CTBP2: variants seen among roughly 807,000 people sequenced by gnomAD.
The protein encoded by CTBP2 is C-terminal-binding protein 2.
CTBP2 carries 30 observed loss-of-function variants against 80.3 expected under a neutral mutation model. The ratio of observed to expected loss-of-function variants is 0.37; its 90% confidence interval spans 0.28 to 0.51. CTBP2 has a LOEUF of 0.51. Ranked by LOEUF, CTBP2 falls within the 20% of genes least tolerant of loss-of-function variation. The pLI, the probability that CTBP2 is intolerant of heterozygous loss-of-function variation, is 0.93. For synonymous variants in CTBP2, 594 were observed against 587.4 expected, an observed-to-expected ratio of 1.01 and a Z score of -0.16; for missense variants, 1,212 against 1,375.3, an observed-to-expected ratio of 0.88 and a Z score of 1.88.
At chr10:125,003,647 G>A (rs1954844591) in intron 1 of CTBP2, among the ~76,000 whole-genome samples, 155 bp from the exon 4 acceptor site, 2 of 152,152 alleles carry the variant, frequency 1.3e-5, no homozygotes, top group African/African-American at 2.4e-5. Flanking sequence ...CACCTTCCAG[G>A]GAGCCACTGA....
chr10:125,131,633 A>G (rs1590981529), intron 1 of CTBP2, among the ~76,000 whole-genome samples: 1 of 152,206 alleles, frequency 6.6e-6, no homozygotes, highest in East Asian at 1.9e-4. Flanking sequence ...GCTTTAACAA[A>G]CAAGCCTAAA....
At chr10:125,098,776 G>C (rs941820701) in intron 2 of CTBP2, among the ~76,000 whole-genome samples, 97 of 146,116 alleles carry the variant, frequency 6.6e-4, no homozygotes, top group African/African-American at 1.9e-3. Flanking sequence ...GAGAGAGAGA[G>C]AGACAGAGAG....
At chr10:125,047,929 T>A (rs1309742931) in intron 2 of CTBP2, among the ~76,000 whole-genome samples, 3 of 152,054 alleles carry the variant, frequency 2.0e-5, no homozygotes, top group African/African-American at 7.2e-5. Flanking sequence ...TATGAATTTG[T>A]AAAAAAAATC....
In CTBP2 at chr10:125,040,558, A is replaced by G. The variant is rs535968437; in HGVS notation, c.-101-1403T>C. Among the ~76,000 whole-genome samples, 4 of 150,830 alleles carry G rather than the reference A, an allele frequency of 2.7e-5. No homozygotes were observed. The South Asian group carries it at 8.4e-4, about 32-fold the overall frequency. ...GTATTTTTTTTTTCCCAAGGAATAC[A>G]ATTAAATCAGTCTTATTTTAAGACC... On this transcript the variant is annotated intron_variant, in intron 2 of 10. Coordinates refer to the CTBP2 transcript ENST00000337195.
intron 2 of CTBP2, among the ~76,000 whole-genome samples, chr10:125,097,356 G>C (rs1205883505): frequency 6.6e-6 from 1 of 152,204 alleles, no homozygotes; most frequent in African/African-American, 2.4e-5. Flanking sequence ...CAACCTGGGA[G>C]AAAAGGAGAA....
chr10:125,097,702 C>T (rs1187716578), intron 2 of CTBP2, among the ~76,000 whole-genome samples: 1 of 152,114 alleles, frequency 6.6e-6, no homozygotes, highest in East Asian at 1.9e-4. Flanking sequence ...TGAGCATGTA[C>T]ATGTGCCTGA....
intron 1 of CTBP2, among the ~76,000 whole-genome samples, chr10:125,119,294 C>A (rs1853909988): frequency 6.6e-6 from 1 of 152,190 alleles, no homozygotes; most frequent in African/African-American, 2.4e-5. Flanking sequence ...TCTGAGGAGT[C>A]AGCGAGGGTG....
chr10:125,073,892 T>C (rs1266833588), intron 2 of CTBP2, among the ~76,000 whole-genome samples: 1 of 152,224 alleles, frequency 6.6e-6, no homozygotes, highest in Non-Finnish European at 1.5e-5. Context: ...TCTGATGTCA[T>C]CTTTCCCAGG....
chr10:125,134,993 G>A (rs1591004732), intron 1 of CTBP2, among the ~76,000 whole-genome samples: 3 of 151,996 alleles, frequency 2.0e-5, no homozygotes, highest in South Asian at 4.2e-4. Context: ...GACCTTAGCC[G>A]ACGTTCACAA....
In CTBP2 at chr10:124,986,287, G is replaced by GCACACACACACACACA. The variant is rs1246614734; in HGVS notation, c.*3230_*3231insTGTGTGTGTGTGTGTG. ...GGAAAGACGACACACGCACGCGCGC[G>GCACACACACACACACA]CGCGCACACACACACACACACACAC... On this transcript the variant is annotated 3_prime_UTR_variant, in exon 9 of 9. Coordinates refer to ENST00000309035, the MANE Select transcript of CTBP2 (RefSeq NM_022802.3). 1 of 73,022 alleles carries GCACACACACACACACA rather than the reference G, an allele frequency of 1.4e-5. No homozygotes were observed. Among genetic ancestry groups the GCACACACACACACACA allele is most frequent in the African/African-American group, 4.2e-5 (1 of 23,688 alleles). The allele number at this position is 73,022 out of a possible 1,614,324, so 4.5% of individuals were successfully genotyped here. A position where few individuals can be genotyped will look rare whatever the true frequency, so the allele number is the denominator to read the frequency against.
chr10:125,020,396 G>A lies in CTBP2; in HGVS notation c.1678+5686C>T, dbSNP rs72830839. 4.3e-3 allele frequency among the ~76,000 whole-genome samples: 654 copies of A among 152,260 alleles called. 3 individuals are homozygous for A. Among genetic ancestry groups the A allele is most frequent in the Non-Finnish European group, 7.4e-3 (503 of 68,024 alleles). On this transcript the variant is annotated intron_variant, in intron 1 of 8. Transcript: ENST00000309035. Reference sequence around the variant, plus strand: ...CTGCTTCCTGGAAAGCAGAGGGTCCGCTGGCCAAGACCTCCCTACTCCATG... The same window carrying A: ...CTGCTTCCTGGAAAGCAGAGGGTCCACTGGCCAAGACCTCCCTACTCCATG...
At chr10:125,069,107 C>T (rs1845074902) in intron 2 of CTBP2, among the ~76,000 whole-genome samples, 1 of 152,090 alleles carries the variant, frequency 6.6e-6, no homozygotes, top group Non-Finnish European at 1.5e-5. Context: ...CTTCCAGGGG[C>T]CTTTCTCAGG....
At chr10:125,153,439 A>G (rs932303662) in intron 1 of CTBP2, among the ~76,000 whole-genome samples, 1 of 152,224 alleles carries the variant, frequency 6.6e-6, no homozygotes, top group Non-Finnish European at 1.5e-5. Flanking sequence ...AGACTGCACG[A>G]AAGACCATCC....
Position 124,989,459 on chromosome 10 carries a change from A to G in CTBP2, c.*59T>C. On this transcript the variant is annotated 3_prime_UTR_variant, in exon 9 of 9. Transcript: ENST00000309035. Reference sequence around the variant, plus strand: ...CGATTCTTTTTCTCTTAGTTCATCTATTTTTCACTGTCTCTTGGTCCCAAG... The same window carrying G: ...CGATTCTTTTTCTCTTAGTTCATCTGTTTTTCACTGTCTCTTGGTCCCAAG... The G allele has an allele frequency of 6.7e-7, 1 of 1,495,130 alleles. No homozygotes were observed. The highest frequency in any genetic ancestry group is 2.4e-4 in the Middle Eastern group (1 of 4,224). 92.6% of individuals were successfully genotyped at this position (1,495,130 alleles called of 1,614,324 possible).
rs189839647 is a variant in CTBP2 at position 125,142,133 on chromosome 10, G to A, written c.-206+18186C>T. ...ACTCTTGGGTTTGCAGGGGACGGGG[G>A]CGGTTTGCCTACTTTGCGGAGGAGG... On this transcript the variant is annotated intron_variant, in intron 1 of 10. Coordinates refer to the CTBP2 transcript ENST00000337195. Among the ~76,000 whole-genome samples, 232 of 152,320 alleles carry A rather than the reference G, an allele frequency of 1.5e-3. 5 individuals are homozygous for A. The highest frequency in any genetic ancestry group is 0.015 in the Admixed American group (229 of 15,306).
In CTBP2 at chr10:125,027,473, T is replaced by C; in HGVS notation, c.287A>G (p.Gln96Arg). The change falls in exon 1 of 9, where the codon CAG becomes CGG. Residue 96 changes from glutamine (Q) to arginine (R), a missense_variant. Physicochemically the swap from Gln to Arg is conservative, Grantham distance 43. Transcript: ENST00000309035. ...GGGGCTGCGACCAGACATCACTGCC[T>C]GTCTGCTGTCGTAGAAGGTGAAGTC... 1 of 1,614,150 alleles carries C rather than the reference T, an allele frequency of 6.2e-7. No homozygotes were observed. The highest frequency in any genetic ancestry group is 8.5e-7 in the Non-Finnish European group (1 of 1,180,022).
intron 1 of CTBP2, among the ~76,000 whole-genome samples, chr10:125,011,855 T>C (rs1955964707): frequency 6.6e-6 from 1 of 152,242 alleles, no homozygotes; most frequent in Non-Finnish European, 1.5e-5. Context: ...TAGGCACTGG[T>C]GGCTTTTTGG....
intron 2 of CTBP2, among the ~76,000 whole-genome samples, chr10:125,072,482 G>A (rs775140509): frequency 2.6e-5 from 4 of 151,958 alleles, no homozygotes; most frequent in Non-Finnish European, 4.4e-5. Flanking sequence ...CAGGTGTGAT[G>A]GCAGGCGCCT....
chr10:125,036,691 GTGTGTGTGTGTGTGTGTGTGTGTGTT>G (rs1335159617), intron 3 of CTBP2, among the ~76,000 whole-genome samples: 174 of 121,188 alleles, frequency 1.4e-3, no homozygotes, highest in South Asian at 3.9e-3. Context: ...GTGTGTGTGT[GTGTGTGTGTGTGTGTGTGTGTGTGTT>G]TGTGTGTGTT....
Sources: allele counts gnomAD v4.1 joint callset (sites outside exome capture counted in the v4.1 genomes callset), GRCh38; gene constraint gnomAD v4.1.1; transcripts MANE v1.5; gene names NCBI Gene and HGNC (gene_info 2026-07-23, HGNC 2026-07-21).